DENND1A: variants seen among roughly 807,000 people sequenced by gnomAD.
DENND1A encodes DENN domain-containing protein 1A.
In DENND1A, 51 loss-of-function variants were observed where a neutral mutation model predicts 113.7. That is an observed-to-expected ratio of 0.45 (90% CI 0.36 to 0.57). DENND1A has a LOEUF of 0.57. DENND1A is among the 20% of genes least tolerant of loss of function. DENND1A has a pLI of 0.00. For synonymous variants in DENND1A, 565 were observed against 570.8 expected (o/e 0.99, Z 0.14); for missense variants, 1,258 against 1,395.9 (o/e 0.90, Z 1.57).
chr9:123,848,423 G>T (rs781124079), intron 2 of DENND1A, among the ~76,000 whole-genome samples: 2 of 151,808 alleles, frequency 1.3e-5, no homozygotes, highest in Non-Finnish European at 2.9e-5. Context: ...ATTGTTTTGG[G>T]GTGCCATAAA....
chr9:123,477,737 C>T (rs1056995131), intron 13 of DENND1A, among the ~76,000 whole-genome samples: 8 of 149,934 alleles, frequency 5.3e-5, no homozygotes, highest in African/African-American at 2.0e-4. Context: ...TACCGTGGAA[C>T]TTAAAAAAAA....
rs2061421326 is a variant in DENND1A, at chr9:123,630,319, A to C, written c.719+57T>G. On this transcript the variant is annotated intron_variant, in intron 10 of 23. Coordinates refer to ENST00000394215, the MANE Select transcript of DENND1A (RefSeq NM_001352964.2). ...ACTGCATTAACAAGTGACACACCTAACACGCCCAGTCAGATCAGGGCAAAG... is the reference window on the plus strand; with the variant it reads ...ACTGCATTAACAAGTGACACACCTACCACGCCCAGTCAGATCAGGGCAAAG... The C allele has an allele frequency of 1.8e-5, 22 of 1,232,120 alleles. No individual in the cohort carries two copies. The South Asian group carries it at 4.4e-4, about 24-fold the overall frequency. The allele number at this position is 1,232,120 out of a possible 1,614,324, so 76.3% of individuals were successfully genotyped here.
chr9:123,851,720 G>C (rs1185782962), intron 2 of DENND1A, among the ~76,000 whole-genome samples: 1 of 152,214 alleles, frequency 6.6e-6, no homozygotes, highest in Non-Finnish European at 1.5e-5. Context: ...AACTCCAGCA[G>C]ATTCACAGGA....
chr9:123,667,929 C>T (rs2063569782), intron 7 of DENND1A, among the ~76,000 whole-genome samples: 1 of 152,112 alleles, frequency 6.6e-6, no homozygotes, highest in Non-Finnish European at 1.5e-5. Flanking sequence ...CCCCGAAGCC[C>T]ACTCCACCAT....
intron 13 of DENND1A, among the ~76,000 whole-genome samples, chr9:123,527,354 A>G (rs764058404): frequency 3.9e-5 from 6 of 152,136 alleles, no homozygotes; most frequent in Admixed American, 1.3e-4. Context: ...CCTCCCTTAC[A>G]AACTCTTTCT....
intron 5 of DENND1A, among the ~76,000 whole-genome samples, chr9:123,697,701 C>G (rs958784236): frequency 6.6e-6 from 1 of 152,172 alleles, no homozygotes; most frequent in African/African-American, 2.4e-5. Context: ...CCCCTTCCCC[C>G]ACTTCTGCAG....
intron 5 of DENND1A, among the ~76,000 whole-genome samples, chr9:123,739,537 A>G (rs528077061): frequency 1.3e-5 from 2 of 152,266 alleles, no homozygotes; most frequent in African/African-American, 4.8e-5. Flanking sequence ...GAAAAATCTC[A>G]GTCCAGCTTA....
intron 13 of DENND1A, among the ~76,000 whole-genome samples, chr9:123,460,227 C>A (rs921293746): frequency 2.0e-5 from 3 of 152,200 alleles, no homozygotes; most frequent in African/African-American, 7.2e-5. Flanking sequence ...ATTACTTTGG[C>A]ATGGGTTTAC....
chr9:123,769,404 T>C, intron 4 of DENND1A, 110 bp downstream of exon 4: 1 of 973,338 alleles, frequency 1.0e-6, no homozygotes, highest in Non-Finnish European at 1.5e-6. Flanking sequence ...AACACAGGTA[T>C]CTTAAATCAT....
At chr9:123,540,425 G>A (rs185051707) in intron 13 of DENND1A, among the ~76,000 whole-genome samples, 340 of 152,318 alleles carry the variant, frequency 2.2e-3, no homozygotes, top group African/African-American at 8.0e-3. Context: ...CTGCCACTGG[G>A]CCTGGTACAG....
Position 123,930,074 on chromosome 9 carries a change from G to T in DENND1A, c.-169C>A. 4.8e-6 allele frequency: 1 copy of T among 209,898 alleles called. No individual in the cohort carries two copies. Among genetic ancestry groups the T allele is most frequent in the Non-Finnish European group, 9.3e-6 (1 of 107,272 alleles). The allele number at this position is 209,898 out of a possible 1,614,324, so 13.0% of individuals were successfully genotyped here. A position where few individuals can be genotyped will look rare whatever the true frequency, so the allele number is the denominator to read the frequency against. ...TCCCTCGCCGCCGCCGCCGCCTCCAGGGGTTAATGTACTCGCTCCAGCCCG... is the reference window on the plus strand; with the variant it reads ...TCCCTCGCCGCCGCCGCCGCCTCCATGGGTTAATGTACTCGCTCCAGCCCG... On this transcript the variant is annotated 5_prime_UTR_variant, in exon 1 of 24. In the 5' UTR this introduces an upstream ATG that the reference lacks. Coordinates refer to ENST00000394215, the MANE Select transcript of DENND1A (RefSeq NM_001352964.2).
chr9:123,573,995 CTTG>C (rs753109928), intron 12 of DENND1A, among the ~76,000 whole-genome samples: 31 of 150,560 alleles, frequency 2.1e-4, no homozygotes, highest in Admixed American at 1.1e-3. Flanking sequence ...TTTCATATAT[CTTG>C]TTATTATTTT....
intron 13 of DENND1A, among the ~76,000 whole-genome samples, chr9:123,473,037 G>A (rs1471374735): frequency 6.6e-6 from 1 of 152,206 alleles, no homozygotes. Flanking sequence ...TTATTGCCAT[G>A]CATTACATTG....
At chr9:123,720,111 G>C (rs1270135639) in intron 5 of DENND1A, among the ~76,000 whole-genome samples, 4 of 152,124 alleles carry the variant, frequency 2.6e-5, no homozygotes, top group Non-Finnish European at 5.9e-5. Flanking sequence ...TTCCCTCCAT[G>C]CCACAATAAG....
chr9:123,895,131 T>C (rs2133816056), intron 1 of DENND1A, among the ~76,000 whole-genome samples: 1 of 151,756 alleles, frequency 6.6e-6, no homozygotes, highest in East Asian at 1.9e-4. Context: ...TTCACAGGCA[T>C]GATCATAGCA....
chr9:123,381,278 G>C lies in DENND1A; in HGVS notation c.*154C>G. On this transcript the variant is annotated 3_prime_UTR_variant, in exon 24 of 24. Coordinates refer to ENST00000394215, the MANE Select transcript of DENND1A (RefSeq NM_001352964.2). This position sits in a 1 kb window ranked among gnomAD's most constrained non-coding sequence, Gnocchi z 4.7. ...TCCCCAGGGCCAGACATCAGAGATGGGCAGTGTGGAGGGGAGGAGGGGGCA... is the reference window on the plus strand; with the variant it reads ...TCCCCAGGGCCAGACATCAGAGATGCGCAGTGTGGAGGGGAGGAGGGGGCA... 1.4e-6 allele frequency: 1 copy of C among 695,970 alleles called. No individual in the cohort carries two copies. Among genetic ancestry groups the C allele is most frequent in the South Asian group, 1.9e-5 (1 of 53,202 alleles). The allele number at this position is 695,970 out of a possible 1,614,324, so 43.1% of individuals were successfully genotyped here.
chr9:123,827,063 C>A (rs1839438214), intron 2 of DENND1A, among the ~76,000 whole-genome samples: 1 of 152,030 alleles, frequency 6.6e-6, no homozygotes, highest in Non-Finnish European at 1.5e-5. Flanking sequence ...ATGACAAATT[C>A]CTGAAAAAAT....
chr9:123,488,039 A>G (rs560187150), intron 13 of DENND1A, among the ~76,000 whole-genome samples: 2 of 152,346 alleles, frequency 1.3e-5, no homozygotes, highest in Admixed American at 6.5e-5. Flanking sequence ...CAGCTCCCAC[A>G]GGGTGTCCTC....
chr9:123,621,184 CTTTTTT>C (rs71490814), intron 10 of DENND1A, among the ~76,000 whole-genome samples: 13 of 134,882 alleles, frequency 9.6e-5, no homozygotes, highest in Non-Finnish European at 1.6e-4. Flanking sequence ...AGTTGAAATT[CTTTTTT>C]TTTTTTTTTT....
Sources: allele counts gnomAD v4.1 joint callset (sites outside exome capture counted in the v4.1 genomes callset), GRCh38; gene constraint gnomAD v4.1.1; non-coding constraint Gnocchi (gnomAD v3.1); transcripts MANE v1.5; gene names NCBI Gene and HGNC (gene_info 2026-07-23, HGNC 2026-07-21).